Variants in SPATA22 observed in about 807,000 individuals in gnomAD.
SPATA22 encodes spermatogenesis-associated protein 22.
In SPATA22, 29 loss-of-function variants were observed where a neutral mutation model predicts 47.8. That is an observed-to-expected ratio of 0.61 (90% confidence interval 0.45 to 0.83). SPATA22 has a LOEUF of 0.83. Ranked by LOEUF, SPATA22 falls within the 40% of genes least tolerant of loss-of-function variation. The probability of loss-of-function intolerance (pLI) is 0.00; values close to 1 mark genes in which losing one functional copy is unlikely to be tolerated. For synonymous variants in SPATA22, 133 were observed against 140.9 expected (o/e 0.94, Z 0.40); for missense variants, 410 against 421.7 (o/e 0.97, Z 0.24).
intron 2 of SPATA22, among the ~76,000 whole-genome samples, chr17:3,468,587 T>C (rs1409426507): frequency 1.3e-5 from 2 of 152,190 alleles, no homozygotes; most frequent in Non-Finnish European, 2.9e-5. Context: ...AAACTCTTTG[T>C]GCCAATATGA....
In SPATA22 at chr17:3,490,099, C is replaced by T. The variant is rs2073798713; in HGVS notation, c.-73-20701G>A. The stretch of plus-strand genomic sequence containing the variant: ...ATAATAATCATCACCTTCTAGGATA[C>T]ATATATATGTTAACACATCACAGGG... On this transcript the variant is annotated intron_variant, in intron 1 of 8. Coordinates refer to the SPATA22 transcript ENST00000541913. The surrounding 1 kb of genome is among the most constrained non-coding windows in gnomAD (Gnocchi z 4.6). Among the ~76,000 whole-genome samples the T allele has an allele frequency of 6.6e-6, 1 of 152,130 alleles. No homozygotes were observed. The highest frequency in any genetic ancestry group is 1.5e-5 in the Non-Finnish European group (1 of 68,014).
At chr17:3,501,021 G>A (rs2150766151) in intron 1 of SPATA22, 1 of 152,252 alleles carries the variant, frequency 6.6e-6, no homozygotes, top group African/African-American at 2.4e-5. Context: ...AGCTCTGCTG[G>A]AGATGTGCGA....
intron 5 of SPATA22, among the ~76,000 whole-genome samples, chr17:3,449,670 T>C (rs9896939): frequency 0.017 from 2,661 of 152,284 alleles, 91 homozygotes; most frequent in African/African-American, 0.059. Flanking sequence ...ATTTTGTGGT[T>C]TTACTGCACA....
rs910047633 is a variant in SPATA22, at chr17:3,471,739, C to A, written c.-131G>T. ...GACACACAACTTTCGCCCTCAGTTT[C>A]CCTCGCCTCCGTCAACCGTCGTCCA... On this transcript the variant is annotated 5_prime_UTR_variant, in exon 1 of 9. Transcript: ENST00000572969. The A allele has an allele frequency of 2.0e-6, 2 of 985,614 alleles. No individual in the cohort carries two copies. Among genetic ancestry groups the A allele is most frequent in the Non-Finnish European group, 2.4e-6 (2 of 830,078 alleles). 61.1% of individuals were successfully genotyped at this position (985,614 alleles called of 1,614,324 possible). A position where few individuals can be genotyped will look rare whatever the true frequency, so the allele number is the denominator to read the frequency against.
chr17:3,444,276 G>A (rs1422071428), intron 7 of SPATA22, among the ~76,000 whole-genome samples: 3 of 151,914 alleles, frequency 2.0e-5, no homozygotes, highest in Non-Finnish European at 2.9e-5. Context: ...ATTTGGATAG[G>A]ATTTGTCCCC....
chr17:3,469,289 T>G lies in SPATA22; in HGVS notation c.37A>C (p.Thr13Pro). The G allele has an allele frequency of 6.5e-7, 1 of 1,529,140 alleles. No individual in the cohort carries two copies. The highest frequency in any genetic ancestry group is 1.2e-5 in the South Asian group (1 of 85,340). 94.7% of individuals were successfully genotyped at this position (1,529,140 alleles called of 1,614,324 possible). Residue 13 changes from threonine (T) to proline (P), a missense_variant, in exon 2 of 9, where the codon ACA becomes CCA. Thr to Pro is a conservative substitution (Grantham distance 38, BLOSUM62 -1). Coordinates refer to ENST00000572969, the MANE Select transcript of SPATA22 (RefSeq NM_001170698.2). ...RSLNENSARS[T>P]AGCLPVPLFN... ...ATAAAAAGTTGTTCAATACCTGCTG[T>G]ACTTCGAGCTGAATTTTCATTTAGG...
At chr17:3,449,464 T>C (rs936507178) in intron 5 of SPATA22, among the ~76,000 whole-genome samples, 2 of 152,222 alleles carry the variant, frequency 1.3e-5, no homozygotes, top group African/African-American at 2.4e-5. Flanking sequence ...TTTTAAATGA[T>C]AGCATTCTTC....
chr17:3,443,760 TA>T (rs2072650521), intron 7 of SPATA22, among the ~76,000 whole-genome samples: 1 of 152,022 alleles, frequency 6.6e-6, no homozygotes, highest in Non-Finnish European at 1.5e-5. Flanking sequence ...TATATACATT[TA>T]AGGTATACAA....
At chr17:3,453,923 G>A (rs530039214) in intron 5 of SPATA22, among the ~76,000 whole-genome samples, 12 of 152,108 alleles carry the variant, frequency 7.9e-5, no homozygotes, top group Admixed American at 3.9e-4. Flanking sequence ...AATTGGAAAG[G>A]ATGAAGTAAA....
At chr17:3,454,763 T>C (rs1474297644) in intron 5 of SPATA22, among the ~76,000 whole-genome samples, 1 of 152,116 alleles carries the variant, frequency 6.6e-6, no homozygotes, top group Non-Finnish European at 1.5e-5. Context: ...TAAACATGCG[T>C]GTGCATGTGT....
chr17:3,481,968 G>A (rs2073639655), intron 1 of SPATA22, among the ~76,000 whole-genome samples: 1 of 151,958 alleles, frequency 6.6e-6, no homozygotes, highest in Admixed American at 6.6e-5. Context: ...AGAACACAGA[G>A]GCAGTGGTGA....
At chr17:3,507,016 G>A (rs2074047381) in intron 1 of SPATA22, among the ~76,000 whole-genome samples, 2 of 138,334 alleles carry the variant, frequency 1.4e-5, no homozygotes, top group Admixed American at 7.0e-5. Context: ...GGGAGGGAGG[G>A]GAGGAGGGAG....
intron 2 of SPATA22, 63 bp from the exon 3 acceptor site, chr17:3,467,617 T>C: frequency 7.4e-7 from 1 of 1,347,880 alleles, no homozygotes; most frequent in Non-Finnish European, 1.0e-6. Flanking sequence ...AGTTGTAAAA[T>C]AATTACTAGT....
chr17:3,462,774 A>C lies in SPATA22; in HGVS notation c.173-7T>G. 1 of 1,602,260 alleles carries C rather than the reference A, an allele frequency of 6.2e-7. No homozygotes were observed. Among genetic ancestry groups the C allele is most frequent in the South Asian group, 1.1e-5 (1 of 90,844 alleles). ...ACAGCTTCCCAGGCCCAATCTCAAA[A>C]GATATAAGTAACATAGATAAAAGTA... On this transcript the variant is annotated splice_region_variant and splice_polypyrimidine_tract_variant and intron_variant, in intron 3 of 8. Coordinates refer to ENST00000572969, the MANE Select transcript of SPATA22 (RefSeq NM_001170698.2).
chr17:3,497,154 T>C (rs2073922864), intron 1 of SPATA22, among the ~76,000 whole-genome samples: 1 of 152,178 alleles, frequency 6.6e-6, no homozygotes, highest in Admixed American at 6.5e-5. Flanking sequence ...TCAATTGAGT[T>C]CACCAGGTGA....
At chr17:3,511,447 C>T (rs1394045313) in intron 1 of SPATA22, 1 of 152,206 alleles carries the variant, frequency 6.6e-6, no homozygotes, top group Non-Finnish European at 1.5e-5. Context: ...ATGACTTTGC[C>T]CAAGTACACA....
chr17:3,510,734 T>C (rs2074101158), intron 1 of SPATA22: 1 of 152,204 alleles, frequency 6.6e-6, no homozygotes, highest in Non-Finnish European at 1.5e-5. Flanking sequence ...TGTAAATCAA[T>C]GCAGAAATCA....
In SPATA22 at chr17:3,446,688, C is replaced by T; in HGVS notation, c.673-87G>A. On this transcript the variant is annotated intron_variant, in intron 6 of 8. Coordinates refer to ENST00000572969, the MANE Select transcript of SPATA22 (RefSeq NM_001170698.2). ...TACCTTCTACGTAAAAATTCTAAGT[C>T]CTTACAATGGACAAGTGTGTAAAAA... 7 of 1,075,276 alleles carry T rather than the reference C, an allele frequency of 6.5e-6. No individual in the cohort carries two copies. The South Asian group carries it at 1.3e-4, about 19-fold the overall frequency. The allele number at this position is 1,075,276 out of a possible 1,614,324, so 66.6% of individuals were successfully genotyped here.
chr17:3,446,380 A>G (rs1287518502), intron 7 of SPATA22, 92 bp downstream of exon 7: 1 of 1,295,964 alleles, frequency 7.7e-7, no homozygotes, highest in African/African-American at 1.5e-5. Flanking sequence ...CAAAAAGCAG[A>G]CTGTTTTATT....
Sources: gnomAD v4.1 joint callset for allele counts (sites outside exome capture counted in the v4.1 genomes callset) on GRCh38, gnomAD v4.1.1 for gene constraint, Gnocchi (gnomAD v3.1) non-coding constraint, MANE v1.5 for transcripts, NCBI Gene and HGNC (gene_info 2026-07-23, HGNC 2026-07-21) for gene names.